The following LARGE1 variants were observed in gnomAD, a reference collection of about 807,000 sequenced individuals.
LARGE1 encodes xylosyl- and glucuronyltransferase LARGE1.
LARGE1 carries 43 observed loss-of-function variants against 87.6 expected under a neutral mutation model. The observed-to-expected ratio is 0.49, with a 90% CI of 0.38 to 0.63. The LOEUF is 0.63. Ranked by LOEUF, LARGE1 falls within the 30% of genes least tolerant of loss-of-function variation. The pLI, the probability that LARGE1 is intolerant of heterozygous loss-of-function variation, is 0.00. For synonymous variants in LARGE1, 434 were observed against 394.6 expected, an observed-to-expected ratio of 1.10 and a Z score of -1.18; for missense variants, 802 against 1,000.2, an observed-to-expected ratio of 0.80 and a Z score of 2.67.
At chr22:33,757,167 T>A (rs569917634) in intron 2 of LARGE1, among the ~76,000 whole-genome samples, 6 of 152,266 alleles carry the variant, frequency 3.9e-5, no homozygotes, top group African/African-American at 7.2e-5. Flanking sequence ...GATGGTGAAC[T>A]CCATGCCTGA....
intron 2 of LARGE1, among the ~76,000 whole-genome samples, chr22:33,704,033 C>A (rs528124590): frequency 1.7e-4 from 26 of 152,290 alleles, no homozygotes; most frequent in Admixed American, 1.7e-3. Context: ...GGAGCTTCCA[C>A]TAAAGCGTCT....
intron 9 of LARGE1, among the ~76,000 whole-genome samples, chr22:33,373,099 G>T (rs182781262): frequency 1.3e-5 from 2 of 152,158 alleles, no homozygotes; most frequent in Admixed American, 6.5e-5. Context: ...AGTAAGTCAC[G>T]ATAAAGTTTA....
At chr22:33,484,511 A>G (rs1021623543) in intron 6 of LARGE1, among the ~76,000 whole-genome samples, 2 of 152,206 alleles carry the variant, frequency 1.3e-5, no homozygotes, top group Non-Finnish European at 1.5e-5. Flanking sequence ...GCTATGTTAC[A>G]GAACAGTTTG....
At chr22:33,260,585 G>A (rs1048477164) in intron 11 of LARGE1, among the ~76,000 whole-genome samples, 11 of 152,100 alleles carry the variant, frequency 7.2e-5, no homozygotes, top group Middle Eastern at 3.2e-3. Context: ...AGATAATGCC[G>A]GCCATGCATC....
intron 13 of LARGE1, among the ~76,000 whole-genome samples, chr22:33,279,212 G>T (rs960784987): frequency 6.6e-6 from 1 of 152,216 alleles, no homozygotes; most frequent in Non-Finnish European, 1.5e-5. Flanking sequence ...GGCATCTAGT[G>T]AAGGACTAGA....
At chr22:33,708,669 C>T (rs1233565994) in intron 2 of LARGE1, among the ~76,000 whole-genome samples, 1 of 152,136 alleles carries the variant, frequency 6.6e-6, no homozygotes, top group Non-Finnish European at 1.5e-5. Flanking sequence ...GGTGCTATCT[C>T]GGCTCACTGC....
intron 1 of LARGE1, among the ~76,000 whole-genome samples, chr22:33,847,643 C>T (rs917888443): frequency 9.9e-5 from 15 of 152,180 alleles, no homozygotes; most frequent in Admixed American, 6.5e-5. Context: ...AGCAGTGGTA[C>T]GCTGTGAACT....
intron 2 of LARGE1, among the ~76,000 whole-genome samples, chr22:33,710,207 AAACTT>A (rs1024936254): frequency 1.8e-4 from 28 of 152,286 alleles, no homozygotes; most frequent in African/African-American, 6.7e-4. Context: ...AAAAAAAACA[AAACTT>A]AAGAATGCAG....
chr22:33,728,197 T>C (rs977282665), intron 2 of LARGE1, among the ~76,000 whole-genome samples: 2 of 152,064 alleles, frequency 1.3e-5, no homozygotes, highest in Non-Finnish European at 2.9e-5. Flanking sequence ...TATACACATA[T>C]GCAGGCTATT....
intron 11 of LARGE1, among the ~76,000 whole-genome samples, chr22:33,183,620 G>GCA (rs56262703): frequency 0.021 from 2,904 of 137,820 alleles, 43 homozygotes; most frequent in East Asian, 0.061. Context: ...ACACACACAC[G>GCA]CACACACACA....
At chr22:33,535,424 T>C (rs1323258308) in intron 6 of LARGE1, among the ~76,000 whole-genome samples, 1 of 151,944 alleles carries the variant, frequency 6.6e-6, no homozygotes, top group Non-Finnish European at 1.5e-5. Flanking sequence ...GCGCCTGTAA[T>C]CCCAGCTACT....
chr22:33,280,332 A>C (rs1415062011), intron 13 of LARGE1, among the ~76,000 whole-genome samples: 1 of 151,968 alleles, frequency 6.6e-6, no homozygotes, highest in Non-Finnish European at 1.5e-5. Context: ...AAAAAAAAAA[A>C]AAAAGAGAAA....
At chr22:33,229,493 C>T (rs1485108054) in intron 11 of LARGE1, among the ~76,000 whole-genome samples, 2 of 151,788 alleles carry the variant, frequency 1.3e-5, no homozygotes, top group Non-Finnish European at 1.5e-5. Context: ...AAAAGATAGT[C>T]ACTAAAATTG....
At chr22:33,205,559 C>T (rs1221617141) in intron 11 of LARGE1, among the ~76,000 whole-genome samples, 1 of 152,174 alleles carries the variant, frequency 6.6e-6, no homozygotes, top group Non-Finnish European at 1.5e-5. Flanking sequence ...CCTCAGCATT[C>T]TCATTTGTAG....
At chr22:33,891,024 ATATGGGAAG>A (rs2064991474) in intron 1 of LARGE1, among the ~76,000 whole-genome samples, 3 of 8,614 alleles carry the variant, frequency 3.5e-4, no homozygotes, top group African/African-American at 2.9e-3. Context: ...GGTTCTGTGC[ATATGGGAAG>A]CTGCATACGG....
At position 33,618,245 on chromosome 22, in the gene LARGE1, C is replaced by T. The variant is rs182402096; in HGVS notation, c.491+7999G>A. On this transcript the variant is annotated intron_variant, in intron 4 of 14. Transcript: ENST00000397394. The stretch of plus-strand genomic sequence containing the variant: ...GGGAAGATTCAAGGACAAGTCAGTG[C>T]CATATCAGAAAAGCTTTCCAAAAGA... 2.0e-5 allele frequency among the ~76,000 whole-genome samples: 3 copies of T among 152,180 alleles called. No homozygotes were observed. In the East Asian group the frequency reaches 5.8e-4, roughly 29 times the overall value.
chr22:33,089,881 C>T, the LARGE1 span, among the ~76,000 whole-genome samples: 1 of 152,088 alleles, frequency 6.6e-6, no homozygotes, highest in African/African-American at 2.4e-5. Context: ...ATTCATTTAT[C>T]CATTTATTCA....
chr22:33,759,057 C>T (rs2084625625), intron 2 of LARGE1, among the ~76,000 whole-genome samples: 1 of 152,106 alleles, frequency 6.6e-6, no homozygotes. Flanking sequence ...GGATGCAAGC[C>T]TGAAACTTCC....
chr22:33,604,477 C>T lies in LARGE1; in HGVS notation c.573G>A (p.Val191=). ...TGTAGAAGTCCACACGCACAGCGGG[C>T]ACCATCCAGGTCTGGAAGAGCGTGG... ...ILATLFQTWM[V]PAVRVDFYNA... Residue 191 remains valine, a synonymous_variant, in exon 5 of 15, where the codon GTG becomes GTA. Coordinates refer to ENST00000397394, the MANE Select transcript of LARGE1 (RefSeq NM_133642.5). The T allele has an allele frequency of 2.5e-6, 4 of 1,614,132 alleles. No individual in the cohort carries two copies. Among genetic ancestry groups the T allele is most frequent in the Non-Finnish European group, 3.4e-6 (4 of 1,179,996 alleles).
Sources: allele counts gnomAD v4.1 joint callset (sites outside exome capture counted in the v4.1 genomes callset), GRCh38; gene constraint gnomAD v4.1.1; transcripts MANE v1.5; gene names NCBI Gene and HGNC (gene_info 2026-07-23, HGNC 2026-07-21).